USP34: variants seen among roughly 807,000 people sequenced by gnomAD.
USP34 encodes ubiquitin specific peptidase 34.
Under a neutral mutation model 460.3 loss-of-function variants are expected in USP34, and 70 were observed. The observed-to-expected ratio is 0.15, with a 90% CI of 0.13 to 0.19. The LOEUF is 0.19. USP34 is among the 10% of genes least tolerant of loss of function. The pLI, the probability that USP34 is intolerant of heterozygous loss-of-function variation, is 1.00. For synonymous variants in USP34, 1,647 were observed against 1,405.3 expected (o/e 1.17, Z -3.85); for missense variants, 3,985 against 4,236.2 (o/e 0.94, Z 1.65).
chr2:61,246,272 T>A, intron 50 of USP34, 52 bp downstream of exon 50: 21 of 1,366,228 alleles, frequency 1.5e-5, no homozygotes, highest in Non-Finnish European at 2.0e-5. Flanking sequence ...TGAAAACATA[T>A]CAGAAAACTA....
intron 5 of USP34, among the ~76,000 whole-genome samples, chr2:61,392,112 G>GT (rs1693365782): frequency 6.6e-6 from 1 of 152,162 alleles, no homozygotes; most frequent in African/African-American, 2.4e-5. Flanking sequence ...CTAAACCTTT[G>GT]TATTTAGTAA....
intron 39 of USP34, among the ~76,000 whole-genome samples, chr2:61,278,951 G>A (rs545171162): frequency 3.3e-5 from 5 of 151,970 alleles, no homozygotes; most frequent in East Asian, 1.9e-4. Flanking sequence ...TTTACTTCTC[G>A]TTATAACTAA....
chr2:61,436,648 C>G (rs537249692), intron 1 of USP34, among the ~76,000 whole-genome samples: 1 of 152,232 alleles, frequency 6.6e-6, no homozygotes, highest in South Asian at 2.1e-4. Context: ...CAGAATATAA[C>G]AAAGAAACAT....
In USP34 at chr2:61,289,773, C is replaced by T. The variant is rs370100664; in HGVS notation, c.4549-896G>A. Reference sequence around the variant, plus strand: ...AAGGAAAAAAATTCAATATTGCATACACAAAACTCAAAATGTATTGTTACA... The same window carrying T: ...AAGGAAAAAAATTCAATATTGCATATACAAAACTCAAAATGTATTGTTACA... On this transcript the variant is annotated intron_variant, in intron 33 of 79. Transcript: ENST00000398571. 1.2e-3 allele frequency among the ~76,000 whole-genome samples: 185 copies of T among 152,192 alleles called. 1 individual carries two copies. Among genetic ancestry groups the T allele is most frequent in the African/African-American group, 4.2e-3 (175 of 41,546 alleles).
At position 61,296,930 on chromosome 2, in the gene USP34, A is replaced by G. The variant is rs769806064; in HGVS notation, c.4129-5T>C. ...AAGTTCTTCACATCGTAAGCTCTAC[A>G]CAAATAAGAACAACTACTTTATCAA... is the stretch of plus-strand genomic sequence containing the variant. On this transcript the variant is annotated splice_polypyrimidine_tract_variant and splice_region_variant and intron_variant, in intron 29 of 79. Coordinates refer to ENST00000398571, the MANE Select transcript of USP34 (RefSeq NM_014709.4). 4.4e-6 allele frequency: 7 copies of G among 1,604,850 alleles called. No individual in the cohort carries two copies. Among genetic ancestry groups the G allele is most frequent in the African/African-American group, 1.3e-5 (1 of 74,364 alleles).
intron 65 of USP34, 158 bp from the exon 66 acceptor site, chr2:61,221,764 G>T: frequency 1.7e-6 from 1 of 580,250 alleles, no homozygotes; most frequent in Non-Finnish European, 2.8e-6. Context: ...CTACCATAAA[G>T]CAGCAGGATC....
chr2:61,232,380 G>T, intron 58 of USP34, 72 bp downstream of exon 58: 1 of 1,256,936 alleles, frequency 8.0e-7, no homozygotes, highest in Non-Finnish European at 1.2e-6. Context: ...ACACTTATAA[G>T]CAAATTGAGA....
chr2:61,225,122 T>C (rs891363093), intron 62 of USP34, among the ~76,000 whole-genome samples: 1 of 152,194 alleles, frequency 6.6e-6, no homozygotes, highest in Non-Finnish European at 1.5e-5. Flanking sequence ...AGATTTTCTG[T>C]AACAGATTTT....
At chr2:61,415,728 A>G (rs1694175185) in intron 2 of USP34, among the ~76,000 whole-genome samples, 1 of 152,288 alleles carries the variant, frequency 6.6e-6, no homozygotes, top group African/African-American at 2.4e-5. Flanking sequence ...TGTATTACTT[A>G]TGTTGGTACA....
intron 48 of USP34, among the ~76,000 whole-genome samples, chr2:61,251,112 T>C (rs897164676): frequency 1.3e-5 from 2 of 152,174 alleles, no homozygotes; most frequent in African/African-American, 2.4e-5. Flanking sequence ...CACTCTAGCC[T>C]GGGTGATCAA....
At chr2:61,215,520 C>A (rs530724164) in intron 67 of USP34, among the ~76,000 whole-genome samples, 1 of 152,116 alleles carries the variant, frequency 6.6e-6, no homozygotes, top group Non-Finnish European at 1.5e-5. Context: ...TTATTAGTTG[C>A]GCTAACCTGT....
Position 61,265,562 on chromosome 2 carries a change from T to C in USP34, c.5618-5A>G, listed in dbSNP as rs1197165594. The C allele has an allele frequency of 6.3e-7, 1 of 1,582,026 alleles. No individual in the cohort carries two copies. Among genetic ancestry groups the C allele is most frequent in the African/African-American group, 1.3e-5 (1 of 74,178 alleles). On this transcript the variant is annotated splice_polypyrimidine_tract_variant and splice_region_variant and intron_variant, in intron 42 of 79. Transcript: ENST00000398571. ...CCCATTTATAAGGTGCATGGGCTGC[T>C]GAAGAAAGAGGGAGGAAAAGATCCC...
At chr2:61,428,292 T>G (rs886192172) in intron 1 of USP34, among the ~76,000 whole-genome samples, 4 of 148,476 alleles carry the variant, frequency 2.7e-5, no homozygotes, top group Non-Finnish European at 4.4e-5. Flanking sequence ...AATCAGTCAT[T>G]GAAAACTGGT....
chr2:61,451,400 TG>T lies in USP34; in HGVS notation c.43+19249del, dbSNP rs1695272061. Among the ~76,000 whole-genome samples, 6 of 151,352 alleles carry T rather than the reference TG, an allele frequency of 4.0e-5. No homozygotes were observed. In the South Asian group the frequency reaches 1.3e-3, roughly 32 times the overall value. On this transcript the variant is annotated intron_variant, in intron 1 of 79. Coordinates refer to ENST00000398571, the MANE Select transcript of USP34 (RefSeq NM_014709.4). ...TCATAAATTCTGTACAAGACAGACA[TG>T]GTGCTGGGTGCGGTGGCTCACGCCT...
At chr2:61,275,265 C>T (rs1368862342) in intron 41 of USP34, among the ~76,000 whole-genome samples, 1 of 151,978 alleles carries the variant, frequency 6.6e-6, no homozygotes, top group Non-Finnish European at 1.5e-5. Flanking sequence ...GGTGACAGAG[C>T]CAGACCCCGT....
intron 10 of USP34, among the ~76,000 whole-genome samples, chr2:61,368,153 G>A (rs1399152945): frequency 6.6e-6 from 1 of 152,186 alleles, no homozygotes; most frequent in African/African-American, 2.4e-5. Context: ...GGCACGTCAG[G>A]CCGGGCCCAT....
chr2:61,188,122 C>T lies in USP34; in HGVS notation c.10621G>A (p.Gly3541Arg), dbSNP rs1572816993. The change falls in exon 80 of 80, where the codon GGA becomes AGA. Residue 3541 changes from glycine (G) to arginine (R), a missense_variant. Gly to Arg is a moderately radical substitution (Grantham distance 125, BLOSUM62 -2). Coordinates refer to ENST00000398571, the MANE Select transcript of USP34 (RefSeq NM_014709.4). ...IHVVTRISGK[G>R]NQAAS ...TAATGTCAAGAAGCAGCTTGGTTTC[C>T]TTTGCCAGATATCCTTGTGACGACA... 1.9e-6 allele frequency: 3 copies of T among 1,613,048 alleles called. No homozygotes were observed. In the South Asian group the frequency reaches 3.3e-5, roughly 18 times the overall value.
rs1376353359 is a variant in USP34 at position 61,227,178 on chromosome 2, TCTTCTTCCC to T, written c.7475_7483del (p.Gly2492_Glu2494del). On this transcript the variant is annotated inframe_deletion, in exon 62 of 80. Transcript: ENST00000398571. ...AGAGAGGATATCTTCTTCCTCCTCTTCTTCTTCCCCTTCTTCCTCTGATAACACTTCAAC... is the reference window on the plus strand; with the variant it reads ...AGAGAGGATATCTTCTTCCTCCTCTTCTTCTTCCTCTGATAACACTTCAAC... 1 of 1,613,914 alleles carries T rather than the reference TCTTCTTCCC, an allele frequency of 6.2e-7. No homozygotes were observed. The highest frequency in any genetic ancestry group is 1.7e-5 in the Admixed American group (1 of 60,012).
intron 51 of USP34, 40 bp downstream of exon 51, chr2:61,245,170 G>T (rs1688386856): frequency 6.6e-7 from 1 of 1,509,284 alleles, no homozygotes; most frequent in Admixed American, 1.7e-5. Context: ...AAAGCACTTG[G>T]AAGGACACAA....
Sources: allele counts gnomAD v4.1 joint callset (sites outside exome capture counted in the v4.1 genomes callset), GRCh38; gene constraint gnomAD v4.1.1; transcripts MANE v1.5; gene names NCBI Gene and HGNC (gene_info 2026-07-23, HGNC 2026-07-21).